Variants in NUP107 observed in about 807,000 individuals in gnomAD.
NUP107 encodes the protein nuclear pore complex protein Nup107.
A neutral mutation model predicts 141.0 loss-of-function variants in NUP107; 101 were observed. That is an observed-to-expected ratio of 0.72 (90% confidence interval 0.61 to 0.84). The LOEUF (loss-of-function observed/expected upper bound fraction) is 0.84. NUP107 is among the 40% of genes least tolerant of loss of function. NUP107 has a pLI of 0.00. For missense variants in NUP107, 941 were observed against 1,102.7 expected, an observed-to-expected ratio of 0.85 and a Z score of 2.08; for synonymous variants, 319 against 363.9, an observed-to-expected ratio of 0.88 and a Z score of 1.41.
chr12:68,693,367 G>T (rs1875908733), intron 5 of NUP107, among the ~76,000 whole-genome samples: 2 of 152,108 alleles, frequency 1.3e-5, no homozygotes, highest in South Asian at 4.1e-4. Flanking sequence ...GTAAGCCACT[G>T]TGCCCAGCCT....
chr12:68,717,493 C>T (rs897357929), intron 12 of NUP107, among the ~76,000 whole-genome samples: 6 of 149,848 alleles, frequency 4.0e-5, no homozygotes, highest in East Asian at 2.0e-4. Context: ...TTTTGTGAAT[C>T]GTATAATATA....
At chr12:68,710,223 C>G in intron 10 of NUP107, 130 bp downstream of exon 10, 2 of 538,398 alleles carry the variant, frequency 3.7e-6, no homozygotes, top group Non-Finnish European at 6.6e-6. Flanking sequence ...GGTGTGTGAG[C>G]AAAACAAATA....
intron 14 of NUP107, among the ~76,000 whole-genome samples, chr12:68,720,629 A>G (rs138978308): frequency 9.5e-4 from 145 of 152,294 alleles, no homozygotes; most frequent in African/African-American, 3.4e-3. Flanking sequence ...TTGGATGATA[A>G]GAAAACTGGA....
At position 68,719,617 on chromosome 12, in the gene NUP107, G is replaced by T; in HGVS notation, c.1214G>T (p.Arg405Leu). 1 of 1,612,970 alleles carries T rather than the reference G, an allele frequency of 6.2e-7. No homozygotes were observed. The change falls in exon 14 of 28, where the codon CGC becomes CTC. Residue 405 changes from arginine (R) to leucine (L), a missense_variant. Transcript: ENST00000229179. ...CCTGTTGAAGGGAATCCATATAGACGCATTTGGAAAATAAGTTGCTGGAGA... is the reference window on the plus strand; with the variant it reads ...CCTGTTGAAGGGAATCCATATAGACTCATTTGGAAAATAAGTTGCTGGAGA... ...LEPVEGNPYR[R>L]IWKISCWRMA... is the part of the protein sequence containing the mutation.
intron 4 of NUP107, among the ~76,000 whole-genome samples, chr12:68,691,556 G>A (rs567418385): frequency 1.1e-4 from 16 of 152,264 alleles, no homozygotes; most frequent in South Asian, 2.1e-4. Context: ...TATAGTAGCC[G>A]GGCATGGTGG....
intron 8 of NUP107, among the ~76,000 whole-genome samples, chr12:68,705,291 C>T (rs555630824): frequency 3.3e-5 from 5 of 152,200 alleles, no homozygotes; most frequent in South Asian, 4.1e-4. Flanking sequence ...ATTCTGTTAT[C>T]TACAAGTAGT....
intron 10 of NUP107, among the ~76,000 whole-genome samples, chr12:68,712,804 C>G (rs1179433187): frequency 6.6e-6 from 1 of 151,902 alleles, no homozygotes; most frequent in African/African-American, 2.4e-5. Flanking sequence ...AGCAATCCAG[C>G]AGGGAATGGA....
chr12:68,704,327 C>A (rs1463709236), intron 8 of NUP107, among the ~76,000 whole-genome samples: 2 of 152,060 alleles, frequency 1.3e-5, no homozygotes, highest in African/African-American at 4.8e-5. Flanking sequence ...CTGGATGAGA[C>A]TTATTTCCAA....
At chr12:68,717,867 T>A (rs1877180336) in intron 12 of NUP107, among the ~76,000 whole-genome samples, 1 of 152,252 alleles carries the variant, frequency 6.6e-6, no homozygotes, top group African/African-American at 2.4e-5. Flanking sequence ...TACATAGCTC[T>A]CATAGATTTT....
At chr12:68,719,001 G>C (rs973897356) in intron 12 of NUP107, among the ~76,000 whole-genome samples, 1 of 152,106 alleles carries the variant, frequency 6.6e-6, no homozygotes, top group Non-Finnish European at 1.5e-5. Flanking sequence ...CGATGCACCT[G>C]CCTCAGCCTC....
chr12:68,730,453 A>G (rs111675351), intron 20 of NUP107, among the ~76,000 whole-genome samples: 2 of 151,850 alleles, frequency 1.3e-5, no homozygotes, highest in East Asian at 3.9e-4. Context: ...TCCTGGCCTT[A>G]GGTGATCCGC....
chr12:68,733,455 CA>C lies in NUP107; in HGVS notation c.2111del (p.Lys704SerfsTer10). On this transcript the variant is annotated frameshift_variant, in exon 24 of 28. Transcript: ENST00000229179. LOFTEE classifies it high-confidence loss of function. ...AATTGTGTATCTTTTTTCACAGCATCAAAAAAGCACGAAGCTGCAAAAGAAG... is the reference window on the plus strand; with the variant it reads ...AATTGTGTATCTTTTTTCACAGCATCAAAAAGCACGAAGCTGCAAAAGAAG... Reference protein sequence around the residue: ...GNAIMRKFLASKKHEAAKEVF... With the variant: ...GNAIMRKFLAXKKHEAAKEVF... 4 of 1,605,552 alleles carry C rather than the reference CA, an allele frequency of 2.5e-6. No homozygotes were observed. The highest frequency in any genetic ancestry group is 1.7e-5 in the Admixed American group (1 of 58,396).
chr12:68,708,174 G>T (rs1402740828), intron 8 of NUP107, among the ~76,000 whole-genome samples: 1 of 152,140 alleles, frequency 6.6e-6, no homozygotes, highest in African/African-American at 2.4e-5. Context: ...TGGTATCCAC[G>T]AGGGGTCCTG....
At chr12:68,730,214 C>CTTTTTTTGTT (rs1555179097) in intron 20 of NUP107, among the ~76,000 whole-genome samples, 2 of 85,374 alleles carry the variant, frequency 2.3e-5, no homozygotes, top group East Asian at 6.9e-4. Context: ...GTGATACTAC[C>CTTTTTTTGTT]TTTTTTTTTT....
At chr12:68,691,431 A>G (rs1875779775) in intron 4 of NUP107, among the ~76,000 whole-genome samples, 1 of 152,236 alleles carries the variant, frequency 6.6e-6, no homozygotes, top group Admixed American at 6.5e-5. Flanking sequence ...AGAAAATTGG[A>G]AAAAGTAGGT....
intron 26 of NUP107, among the ~76,000 whole-genome samples, chr12:68,736,422 T>G (rs1878069254): frequency 1.3e-5 from 2 of 152,140 alleles, no homozygotes; most frequent in South Asian, 4.1e-4. Flanking sequence ...TTATTTTTTC[T>G]TTTTTTGTTT....
Position 68,726,481 on chromosome 12 carries a change from C to T in NUP107, c.1577-18C>T, listed in dbSNP as rs747053614. 3 of 1,485,066 alleles carry T rather than the reference C, an allele frequency of 2.0e-6. No individual in the cohort carries two copies. The highest frequency in any genetic ancestry group is 4.5e-5 in the East Asian group (2 of 44,250). 92.0% of individuals were successfully genotyped at this position (1,485,066 alleles called of 1,614,324 possible). A position where few individuals can be genotyped will look rare whatever the true frequency, so the allele number is the denominator to read the frequency against. On this transcript the variant is annotated intron_variant, in intron 18 of 27. Coordinates refer to ENST00000229179, the MANE Select transcript of NUP107 (RefSeq NM_020401.4). ...GATTTTATTCCTATTGTTGAATCTTCACTTTGATGGCTTGTAGGTTTGATG... is the reference window on the plus strand; with the variant it reads ...GATTTTATTCCTATTGTTGAATCTTTACTTTGATGGCTTGTAGGTTTGATG...
chr12:68,719,144 CT>C (rs1342431147), intron 12 of NUP107, among the ~76,000 whole-genome samples, 196 bp from the exon 13 acceptor site: 12 of 152,216 alleles, frequency 7.9e-5, no homozygotes, highest in African/African-American at 2.9e-4. Context: ...TTGCCTTGGC[CT>C]CCCAAAGTGT....
intron 6 of NUP107, among the ~76,000 whole-genome samples, chr12:68,697,945 T>C (rs1473240484): frequency 6.6e-6 from 1 of 151,368 alleles, no homozygotes; most frequent in Non-Finnish European, 1.5e-5. Context: ...GGAGAATCGC[T>C]TGAACCTGGG....
Sources: allele counts gnomAD v4.1 joint callset (sites outside exome capture counted in the v4.1 genomes callset), GRCh38; gene constraint gnomAD v4.1.1; transcripts MANE v1.5; gene names NCBI Gene and HGNC (gene_info 2026-07-23, HGNC 2026-07-21).